Variants in CFH observed in about 807,000 individuals in gnomAD.
The protein encoded by CFH is complement factor H, also known as H factor 1 (complement).
A neutral mutation model predicts 147.3 loss-of-function variants in CFH; 53 were observed. The observed-to-expected ratio is 0.36, with a 90% CI of 0.29 to 0.45. CFH has a LOEUF of 0.45. Ranked by LOEUF, CFH falls within the 20% of genes least tolerant of loss-of-function variation. The pLI is 1.00. For missense variants in CFH, 1,380 were observed against 1,498.0 expected (o/e 0.92, Z 1.30); for synonymous variants, 536 against 489.4 (o/e 1.10, Z -1.26).
intron 11 of CFH, among the ~76,000 whole-genome samples, chr1:196,721,648 T>C (rs1489144746): frequency 6.6e-6 from 1 of 151,952 alleles, no homozygotes; most frequent in Non-Finnish European, 1.5e-5. Context: ...AGTATAGTCA[T>C]TGGGGGTGTG....
rs746780854 is a variant in CFH, at chr1:196,685,202, C to T, written c.929C>T (p.Thr310Ile). ...ACCCGGGGAAATACAGCAAAATGCA[C>T]AAGTACTGGCTGGATACCTGCTCCG... Reference protein sequence around the residue: ...PATRGNTAKCTSTGWIPAPRC... With the variant: ...PATRGNTAKCISTGWIPAPRC... Residue 310 changes from threonine to isoleucine, a missense_variant, in exon 7 of 22, where the codon ACA becomes ATA. Around this residue, in one of 4 missense-constraint regions of CFH, gnomAD observed 167 missense variants for 228.0 expected, o/e 0.73. Coordinates refer to ENST00000367429, the MANE Select transcript of CFH (RefSeq NM_000186.4). 3 of 1,612,920 alleles carry T rather than the reference C, an allele frequency of 1.9e-6. No individual in the cohort carries two copies. The highest frequency in any genetic ancestry group is 2.5e-6 in the Non-Finnish European group (3 of 1,179,264).
intron 16 of CFH, 146 bp downstream of exon 16, chr1:196,737,152 A>G: frequency 5.5e-6 from 4 of 731,786 alleles, no homozygotes; most frequent in Non-Finnish European, 6.7e-6. Context: ...ACATTAATCA[A>G]TCACCACTCT....
chr1:196,696,139 C>T (rs1472041075), intron 9 of CFH, among the ~76,000 whole-genome samples: 1 of 152,066 alleles, frequency 6.6e-6, no homozygotes, highest in Non-Finnish European at 1.5e-5. Flanking sequence ...CTACAGAACT[C>T]TCCACCAGAA....
chr1:196,656,667 T>G (rs1666700634), intron 1 of CFH, among the ~76,000 whole-genome samples: 1 of 150,998 alleles, frequency 6.6e-6, no homozygotes. Flanking sequence ...TTAGTAATAC[T>G]TGGTACAATG....
chr1:196,679,494 A>C, intron 5 of CFH, 129 bp from the exon 6 acceptor site: 1 of 662,096 alleles, frequency 1.5e-6, no homozygotes, highest in Non-Finnish European at 2.6e-6. Flanking sequence ...GGTCAAGTCA[A>C]AACAGAACTT....
At chr1:196,728,586 T>C in intron 15 of CFH, 64 bp downstream of exon 15, 1 of 1,511,292 alleles carries the variant, frequency 6.6e-7, no homozygotes, top group Non-Finnish European at 9.2e-7. Flanking sequence ...AATAGGTATG[T>C]GTGTCTTTTA....
At chr1:196,660,092 T>A (rs1448422725) in intron 1 of CFH, among the ~76,000 whole-genome samples, 1 of 152,122 alleles carries the variant, frequency 6.6e-6, no homozygotes, top group East Asian at 1.9e-4. Flanking sequence ...TTAGGTGGGC[T>A]TGGTCTTGGG....
intron 9 of CFH, among the ~76,000 whole-genome samples, chr1:196,710,771 T>A (rs543446832): frequency 0.018 from 2,218 of 123,276 alleles, 59 homozygotes; most frequent in African/African-American, 0.065. Context: ...TCATACAGTC[T>A]TACCCTAGTT....
At chr1:196,671,714 TG>T in intron 1 of CFH, among the ~76,000 whole-genome samples, 1 of 149,450 alleles carries the variant, frequency 6.7e-6, no homozygotes, top group East Asian at 2.0e-4. Flanking sequence ...ATTAGACTTT[TG>T]AGATAGAAGA....
intron 9 of CFH, among the ~76,000 whole-genome samples, chr1:196,692,931 C>T: frequency 7.1e-6 from 1 of 141,620 alleles, no homozygotes; most frequent in East Asian, 2.1e-4. Context: ...TCCTTCCTTC[C>T]TTCTTTCCTT....
chr1:196,737,042 C>T (rs755140411), intron 16 of CFH, 36 bp downstream of exon 16: 2 of 1,540,094 alleles, frequency 1.3e-6, no homozygotes, highest in African/African-American at 1.4e-5. Flanking sequence ...ATAATTCTTT[C>T]AAATGAGGTT....
intron 1 of CFH, among the ~76,000 whole-genome samples, chr1:196,670,642 G>A (rs760897683): frequency 6.6e-6 from 1 of 152,100 alleles, no homozygotes; most frequent in Non-Finnish European, 1.5e-5. Flanking sequence ...GTGGAATTGT[G>A]AGTCAATTAT....
In CFH at chr1:196,677,615, A is replaced by T. The variant is rs1453366708; in HGVS notation, c.567A>T (p.Glu189Asp). ...NSGYKIEGDEEMHCSDDGFWS... is the reference protein window; with the variant it reads ...NSGYKIEGDEDMHCSDDGFWS... ...GCTACAAGATTGAAGGAGATGAAGA[A>T]ATGCATTGTTCAGACGATGGTTTTT... Residue 189 changes from glutamate to aspartate, a missense_variant, in exon 5 of 22, where the codon GAA becomes GAT. Physicochemically the swap from Glu to Asp is conservative, Grantham distance 45. Transcript: ENST00000367429. 1 of 1,613,280 alleles carries T rather than the reference A, an allele frequency of 6.2e-7. No homozygotes were observed. Among genetic ancestry groups the T allele is most frequent in the Non-Finnish European group, 8.5e-7 (1 of 1,179,410 alleles).
Position 196,737,015 on chromosome 1 carries a change from T to C in CFH, c.2596+9T>C. 1 of 1,604,768 alleles carries C rather than the reference T, an allele frequency of 6.2e-7. No individual in the cohort carries two copies. Among genetic ancestry groups the C allele is most frequent in the Non-Finnish European group, 8.5e-7 (1 of 1,173,230 alleles). ...AATACCACTCTGTGTTGGTCAGTAG[T>C]GTATAATTTGTTTTACATAATTCTT... is the stretch of plus-strand genomic sequence containing the variant. On this transcript the variant is annotated intron_variant, in intron 16 of 21. Coordinates refer to ENST00000367429, the MANE Select transcript of CFH (RefSeq NM_000186.4).
At chr1:196,672,887 G>A in intron 1 of CFH, 91 bp from the exon 2 acceptor site, 1 of 1,021,264 alleles carries the variant, frequency 9.8e-7, no homozygotes, top group Non-Finnish European at 1.5e-6. Context: ...ACCTGTGACT[G>A]TCTAGGCATT....
chr1:196,658,440 C>A (rs1225109870), intron 1 of CFH, among the ~76,000 whole-genome samples: 1 of 73,868 alleles, frequency 1.4e-5, no homozygotes, highest in Non-Finnish European at 2.4e-5. Flanking sequence ...GAGATGGAGT[C>A]TTGCTCTGTC....
intron 11 of CFH, among the ~76,000 whole-genome samples, chr1:196,721,328 G>T (rs1050386014): frequency 1.3e-5 from 2 of 151,712 alleles, no homozygotes; most frequent in South Asian, 2.1e-4. Context: ...CCAGAAGCAG[G>T]TCATTTAATT....
chr1:196,726,839 G>A lies in CFH; in HGVS notation c.2135G>A (p.Gly712Glu). The change falls in exon 14 of 22, where the codon GGA becomes GAA. Residue 712 changes from glycine (G) to glutamate (E), a missense_variant. By Grantham distance (98) the Gly-to-Glu change is moderately conservative (BLOSUM62 -2). Coordinates refer to ENST00000367429, the MANE Select transcript of CFH (RefSeq NM_000186.4). ...AQLSSPPYYY[G>E]DSVEFNCSES... ...CTTTCTTCCCCTCCTTATTACTATG[G>A]AGATTCAGTGGAATTCAATTGCTCA... is the stretch of plus-strand genomic sequence containing the variant. 2.5e-6 allele frequency: 4 copies of A among 1,613,684 alleles called. No homozygotes were observed. The highest frequency in any genetic ancestry group is 3.4e-6 in the Non-Finnish European group (4 of 1,179,748).
intron 7 of CFH, among the ~76,000 whole-genome samples, chr1:196,689,152 G>GTCTGTGCAT (rs1332772852): frequency 6.6e-6 from 1 of 152,052 alleles, no homozygotes; most frequent in Admixed American, 6.6e-5. Context: ...TATTAAATAG[G>GTCTGTGCAT]TCTGTGCATT....
Sources: allele counts gnomAD v4.1 joint callset (sites outside exome capture counted in the v4.1 genomes callset), GRCh38; gene constraint gnomAD v4.1.1; regional missense constraint gnomAD v4.1.1; transcripts MANE v1.5; gene names NCBI Gene and HGNC (gene_info 2026-07-23, HGNC 2026-07-21).